Variants in GPR84 observed in about 807,000 individuals in gnomAD.
The protein encoded by GPR84 is G protein-coupled receptor 84.
In GPR84, 8 loss-of-function variants were observed where a neutral mutation model predicts 14.9. The ratio of observed to expected loss-of-function variants is 0.54; its 90% confidence interval spans 0.31 to 0.97. The LOEUF is 0.97. GPR84 is among the 50% of genes least tolerant of loss of function. The pLI, the probability that GPR84 is intolerant of heterozygous loss-of-function variation, is 0.04. For missense variants in GPR84, 424 were observed against 498.7 expected, an observed-to-expected ratio of 0.85 and a Z score of 1.43; for synonymous variants, 164 against 198.1, an observed-to-expected ratio of 0.83 and a Z score of 1.45.
chr12:54,355,448 C>T, the GPR84 span, among the ~76,000 whole-genome samples: 1 of 152,046 alleles, frequency 6.6e-6, no homozygotes, highest in Non-Finnish European at 1.5e-5. Flanking sequence ...CCTTGAGGCA[C>T]CCCATACTAG....
chr12:54,364,234 C>G (rs553146972), intron 1 of GPR84, 159 bp downstream of exon 1: 14 of 180,094 alleles, frequency 7.8e-5, no homozygotes, highest in Non-Finnish European at 1.3e-4. Flanking sequence ...AGTCCCCTCT[C>G]TCTATTCAGC....
rs769031019 is a variant in GPR84, at chr12:54,363,376, T to TA, written c.475dup (p.Tyr159LeufsTer13). 1 of 1,613,906 alleles carries TA rather than the reference T, an allele frequency of 6.2e-7. No individual in the cohort carries two copies. The highest frequency in any genetic ancestry group is 1.7e-5 in the Admixed American group (1 of 60,012). ...GGTGCAGACTACAGGTACCAGGATATAAATAGGCCAGAGGGGAGCAAAGCT... is the reference window on the plus strand; with the variant it reads ...GGTGCAGACTACAGGTACCAGGATATAAAATAGGCCAGAGGGGAGCAAAGCT... On this transcript the variant is annotated frameshift_variant, in exon 2 of 2. Transcript: ENST00000267015. LOFTEE classifies it high-confidence loss of function.
downstream of GPR84, among the ~76,000 whole-genome samples, chr12:54,359,562 T>G (rs1260798521): frequency 2.0e-5 from 3 of 151,694 alleles, no homozygotes; most frequent in East Asian, 1.9e-4. Flanking sequence ...CAGTGAGAGA[T>G]AGCGTCAGAA....
downstream of GPR84, among the ~76,000 whole-genome samples, chr12:54,358,616 C>T (rs942201300): frequency 6.6e-6 from 1 of 151,974 alleles, no homozygotes; most frequent in Admixed American, 6.6e-5. Flanking sequence ...AGGAAATTTC[C>T]GTCTCTTATT....
chr12:54,359,577 A>T (rs963761779), downstream of GPR84, among the ~76,000 whole-genome samples: 4 of 152,198 alleles, frequency 2.6e-5, no homozygotes, highest in African/African-American at 9.7e-5. Flanking sequence ...TCAGAAAGTC[A>T]GGGATAGAGC....
At chr12:54,360,858 G>A (rs754992164), downstream of GPR84, among the ~76,000 whole-genome samples, 13 of 152,142 alleles carry the variant, frequency 8.5e-5, no homozygotes, top group Non-Finnish European at 1.5e-4. Flanking sequence ...AAGTAGACAG[G>A]AATATCTCAT....
the GPR84 span, among the ~76,000 whole-genome samples, chr12:54,353,422 C>T: frequency 4.0e-5 from 6 of 151,724 alleles, no homozygotes; most frequent in Non-Finnish European, 8.8e-5. Flanking sequence ...CCAGATGTGG[C>T]GATTCCCCAT....
the GPR84 span, among the ~76,000 whole-genome samples, chr12:54,352,884 A>C: frequency 6.6e-6 from 1 of 152,180 alleles, no homozygotes; most frequent in South Asian, 2.1e-4. Context: ...TTGGATAAAG[A>C]CTAGGTACTT....
Position 54,363,178 on chromosome 12 carries a change from T to C in GPR84, c.674A>G (p.Asn225Ser), listed in dbSNP as rs1954289561. Residue 225 changes from asparagine to serine, a missense_variant, in exon 2 of 2, where the codon AAC becomes AGC. By Grantham distance (46) the Asn-to-Ser change is conservative. Transcript: ENST00000267015. ...YKLRQASIHS[N>S]HVARTDEAMP... The stretch of plus-strand genomic sequence containing the variant: ...GGCCTCATCAGTCCTGGCCACATGG[T>C]TGGAGTGGATGCTTGCCTGTCGCAA... The C allele has an allele frequency of 1.2e-6, 2 of 1,614,104 alleles. No individual in the cohort carries two copies. The highest frequency in any genetic ancestry group is 1.7e-6 in the Non-Finnish European group (2 of 1,180,018).
chr12:54,363,929 G>T, intron 1 of GPR84, 70 bp from the exon 2 acceptor site: 1 of 1,030,820 alleles, frequency 9.7e-7, no homozygotes, highest in Non-Finnish European at 1.4e-6. Context: ...CTCTTGAACA[G>T]TTCTGGGACC....
chr12:54,360,893 CTT>C, downstream of GPR84, among the ~76,000 whole-genome samples: 1 of 152,294 alleles, frequency 6.6e-6, no homozygotes, highest in South Asian at 2.1e-4. Context: ...TCATTCTTCA[CTT>C]TTCTTCCTAA....
chr12:54,362,694 T>C lies in GPR84; in HGVS notation c.1158A>G (p.Lys386=). The C allele has an allele frequency of 6.2e-7, 1 of 1,611,692 alleles. No individual in the cohort carries two copies. Among genetic ancestry groups the C allele is most frequent in the Non-Finnish European group, 8.5e-7 (1 of 1,178,176 alleles). Reference sequence around the variant, plus strand: ...GCCTATGGAAACTCCGGGGCCCTCTTTTTAAAATGGAGCCATATGCTTGGC... The same window carrying C: ...GCCTATGGAAACTCCGGGGCCCTCTCTTTAAAATGGAGCCATATGCTTGGC... ...QFRQAYGSIL[K]RGPRSFHRLH Residue 386 remains lysine, a synonymous_variant, in exon 2 of 2, where the codon AAA becomes AAG. Coordinates refer to ENST00000267015, the MANE Select transcript of GPR84 (RefSeq NM_020370.3). The surrounding 1 kb of genome is among the most constrained non-coding windows in gnomAD (Gnocchi z 4.0).
Position 54,363,840 on chromosome 12 carries a change from G to A in GPR84, c.12C>T (p.Ser4=). 6.3e-7 allele frequency: 1 copy of A among 1,592,708 alleles called. No homozygotes were observed. Among genetic ancestry groups the A allele is most frequent in the African/African-American group, 1.3e-5 (1 of 74,746 alleles). MWN[S]SDANFSCYHE... ...GGTAGCAGGAGAAGTTGGCGTCAGA[G>A]CTGTTCCACATGATAGAGGCTAAAG... Residue 4 remains serine, a synonymous_variant, in exon 2 of 2, where the codon AGC becomes AGT. Transcript: ENST00000267015.
chr12:54,356,492 C>G, the GPR84 span, among the ~76,000 whole-genome samples: 1 of 152,124 alleles, frequency 6.6e-6, no homozygotes. Context: ...GGACAGCTCC[C>G]GCAGCTTCTC....
chr12:54,356,767 G>A, the GPR84 span, among the ~76,000 whole-genome samples: 1 of 152,194 alleles, frequency 6.6e-6, no homozygotes, highest in Admixed American at 6.5e-5. Context: ...TCCCACCCGG[G>A]TCTGGTGAGG....
chr12:54,363,156 C>T lies in GPR84; in HGVS notation c.696G>A (p.Glu232=). Residue 232 remains glutamate, a synonymous_variant, in exon 2 of 2, where the codon GAG becomes GAA. Transcript: ENST00000267015. ...GCTCCTGGAAACGACCAGGCATGGC[C>T]TCATCAGTCCTGGCCACATGGTTGG... ...IHSNHVARTD[E]AMPGRFQELD... is the part of the protein sequence containing the mutation. The T allele has an allele frequency of 6.2e-7, 1 of 1,614,216 alleles. No homozygotes were observed. Among genetic ancestry groups the T allele is most frequent in the South Asian group, 1.1e-5 (1 of 91,084 alleles).
chr12:54,363,810 C>T lies in GPR84; in HGVS notation c.42G>A (p.Glu14=), dbSNP rs1486876904. The T allele has an allele frequency of 6.2e-7, 1 of 1,606,908 alleles. No individual in the cohort carries two copies. Among genetic ancestry groups the T allele is most frequent in the Non-Finnish European group, 8.5e-7 (1 of 1,175,638 alleles). The change falls in exon 2 of 2, where the codon GAG becomes GAA. Residue 14 remains glutamate, a synonymous_variant. Coordinates refer to ENST00000267015, the MANE Select transcript of GPR84 (RefSeq NM_020370.3). ...CAACATAACGATAGCCCAGCACAGA[C>T]TCATGGTAGCAGGAGAAGTTGGCGT... ...SSDANFSCYH[E]SVLGYRYVAV...
the GPR84 span, among the ~76,000 whole-genome samples, chr12:54,357,186 G>A: frequency 6.6e-6 from 1 of 152,240 alleles, no homozygotes; most frequent in South Asian, 2.1e-4. Flanking sequence ...TGTAGCCCAA[G>A]CTTTCTGACC....
chr12:54,352,826 GTAC>G, the GPR84 span, among the ~76,000 whole-genome samples: 1 of 152,202 alleles, frequency 6.6e-6, no homozygotes, highest in South Asian at 2.1e-4. Context: ...ATACCTGGGT[GTAC>G]CACGTCTGCC....
Sources: allele counts gnomAD v4.1 joint callset (sites outside exome capture counted in the v4.1 genomes callset), GRCh38; gene constraint gnomAD v4.1.1; non-coding constraint Gnocchi (gnomAD v3.1); transcripts MANE v1.5; gene names NCBI Gene and HGNC (gene_info 2026-07-23, HGNC 2026-07-21).